PTPRA: variants seen among roughly 807,000 people sequenced by gnomAD.
PTPRA encodes the protein protein tyrosine phosphatase receptor type A.
In PTPRA, 25 loss-of-function variants were observed where a neutral mutation model predicts 104.8. The ratio of observed to expected loss-of-function variants is 0.24; its 90% CI spans 0.17 to 0.33. The LOEUF is 0.33. Among genes scored for constraint, PTPRA ranks in the 10% least tolerant of loss-of-function variants. The probability of loss-of-function intolerance (pLI) is 1.00; values close to 1 mark genes in which losing one functional copy is unlikely to be tolerated. For synonymous variants in PTPRA, 323 were observed against 368.9 expected, an observed-to-expected ratio of 0.88 and a Z score of 1.43; for missense variants, 765 against 1,015.3, an observed-to-expected ratio of 0.75 and a Z score of 3.35.
chr20:2,960,491 C>T (rs568121998), intron 3 of PTPRA, among the ~76,000 whole-genome samples: 4 of 151,964 alleles, frequency 2.6e-5, no homozygotes, highest in Admixed American at 6.6e-5. Context: ...CCTCGTGATC[C>T]GCCCACCTCG....
At chr20:3,015,123 C>G (rs138930658) in intron 11 of PTPRA, among the ~76,000 whole-genome samples, 3 of 152,032 alleles carry the variant, frequency 2.0e-5, no homozygotes, top group Non-Finnish European at 4.4e-5. Context: ...AGAAAATAAC[C>G]TGTTTTCTTT....
chr20:2,930,786 C>T (rs759949905), intron 2 of PTPRA, among the ~76,000 whole-genome samples: 5 of 152,226 alleles, frequency 3.3e-5, no homozygotes, highest in East Asian at 3.9e-4. Context: ...ACATCTTCAA[C>T]GACCCTATTT....
At chr20:2,958,173 G>C (rs953222505) in intron 3 of PTPRA, among the ~76,000 whole-genome samples, 1 of 152,144 alleles carries the variant, frequency 6.6e-6, no homozygotes, top group African/African-American at 2.4e-5. Context: ...CTGAAGGCCT[G>C]GGTGAGGTCA....
At chr20:2,935,171 T>C (rs974309262) in intron 2 of PTPRA, among the ~76,000 whole-genome samples, 4 of 152,212 alleles carry the variant, frequency 2.6e-5, no homozygotes, top group African/African-American at 9.6e-5. Context: ...CAACCTCTAG[T>C]AACCACCATT....
Position 3,037,015 on chromosome 20 carries a change from C to A in PTPRA, c.2199-139C>A. ...GGTACACTGCCTCCCGACCCAGAACCCCTCCAGGCTGGTGGGTCCACAGGG... is the reference window on the plus strand; with the variant it reads ...GGTACACTGCCTCCCGACCCAGAACACCTCCAGGCTGGTGGGTCCACAGGG... On this transcript the variant is annotated intron_variant, in intron 22 of 23. Transcript: ENST00000399903. The surrounding 1 kb of genome is among the most constrained non-coding windows in gnomAD (Gnocchi z 4.3). The A allele has an allele frequency of 2.5e-6, 3 of 1,211,816 alleles. No individual in the cohort carries two copies. The highest frequency in any genetic ancestry group is 3.5e-6 in the Non-Finnish European group (3 of 861,092). 75.1% of individuals were successfully genotyped at this position (1,211,816 alleles called of 1,614,324 possible). A position where few individuals can be genotyped will look rare whatever the true frequency, so the allele number is the denominator to read the frequency against.
intron 2 of PTPRA, among the ~76,000 whole-genome samples, chr20:2,936,237 T>C (rs2060696033): frequency 6.6e-6 from 1 of 152,190 alleles, no homozygotes. Context: ...CCTTATTGTA[T>C]AATGGTGCAT....
chr20:2,914,443 C>CTG (rs1491556517), intron 1 of PTPRA, among the ~76,000 whole-genome samples: 64 of 133,292 alleles, frequency 4.8e-4, no homozygotes, highest in African/African-American at 2.2e-3. Context: ...TTATTTCTTG[C>CTG]TCTGTGTGTG....
At chr20:2,925,940 T>C (rs1053480980) in intron 2 of PTPRA, among the ~76,000 whole-genome samples, 1 of 152,206 alleles carries the variant, frequency 6.6e-6, no homozygotes, top group Non-Finnish European at 1.5e-5. Context: ...GGTAACTCCA[T>C]GTTTCATTTT....
At chr20:2,989,425 C>T (rs2063054206) in intron 9 of PTPRA, among the ~76,000 whole-genome samples, 1 of 152,046 alleles carries the variant, frequency 6.6e-6, no homozygotes, top group Admixed American at 6.6e-5. Context: ...GAGCGAGACT[C>T]CATCTCAAAA....
rs1420484866 is a variant in PTPRA at position 3,037,940 on chromosome 20, C to A, written c.2335-119C>A. ...GCAGATCAGAGCTCAGGTGAAAGTT[C>A]AAAAACATTCAGTTCCTCTTGATTT... is the stretch of plus-strand genomic sequence containing the variant. On this transcript the variant is annotated intron_variant, in intron 23 of 23. Coordinates refer to ENST00000399903, the MANE Select transcript of PTPRA (RefSeq NM_001385305.1). The surrounding 1 kb of genome is among the most constrained non-coding windows in gnomAD (Gnocchi z 4.3). 6 of 878,494 alleles carry A rather than the reference C, an allele frequency of 6.8e-6. No individual in the cohort carries two copies. The highest frequency in any genetic ancestry group is 2.5e-5 in the East Asian group (1 of 40,162). The allele number at this position is 878,494 out of a possible 1,614,324, so 54.4% of individuals were successfully genotyped here.
chr20:3,008,744 AC>A (rs150646401), intron 11 of PTPRA, among the ~76,000 whole-genome samples: 17,605 of 124,168 alleles, frequency 0.14, 1,782 homozygotes, highest in African/African-American at 0.25. Context: ...AAAAAAAAAA[AC>A]AAAAAAAAAA....
At chr20:2,966,506 T>C (rs2061952043) in intron 5 of PTPRA, among the ~76,000 whole-genome samples, 1 of 152,226 alleles carries the variant, frequency 6.6e-6, no homozygotes, top group Non-Finnish European at 1.5e-5. Context: ...GTAAAATATA[T>C]GAAGGTACCT....
intron 1 of PTPRA, among the ~76,000 whole-genome samples, chr20:2,902,140 C>T (rs1163776336): frequency 1.3e-5 from 2 of 152,078 alleles, no homozygotes; most frequent in African/African-American, 4.8e-5. Context: ...TTCCCTCGGC[C>T]TCCCAAAGTG....
At chr20:2,931,481 A>G (rs2060501844) in intron 2 of PTPRA, among the ~76,000 whole-genome samples, 1 of 152,186 alleles carries the variant, frequency 6.6e-6, no homozygotes, top group African/African-American at 2.4e-5. Flanking sequence ...ATGTATGTTC[A>G]GAAGTGAGAT....
chr20:2,881,388 A>G (rs2090040943), intron 1 of PTPRA, among the ~76,000 whole-genome samples: 1 of 152,218 alleles, frequency 6.6e-6, no homozygotes, highest in Non-Finnish European at 1.5e-5. Flanking sequence ...AAGACATTTG[A>G]AAACCAAAAA....
intron 5 of PTPRA, among the ~76,000 whole-genome samples, chr20:2,970,565 G>A (rs1044289755): frequency 2.0e-4 from 31 of 152,138 alleles, no homozygotes; most frequent in African/African-American, 6.8e-4. Flanking sequence ...TTCCTGACTC[G>A]TTTGTAGATG....
intron 16 of PTPRA, among the ~76,000 whole-genome samples, chr20:3,023,821 T>C (rs992889630): frequency 6.6e-6 from 1 of 152,200 alleles, no homozygotes; most frequent in Non-Finnish European, 1.5e-5. Context: ...TGTCTCTGTG[T>C]CTTCTTTCTT....
chr20:3,024,711 A>G (rs1456944941), intron 17 of PTPRA, 90 bp downstream of exon 17: 6 of 1,494,568 alleles, frequency 4.0e-6, no homozygotes, highest in Non-Finnish European at 5.5e-6. Flanking sequence ...TGCCAACAGT[A>G]AATCCCCTTG....
chr20:3,010,290 C>T (rs756886385), intron 11 of PTPRA, among the ~76,000 whole-genome samples: 1 of 152,136 alleles, frequency 6.6e-6, no homozygotes, highest in Non-Finnish European at 1.5e-5. Context: ...TGTCAACAGT[C>T]TCATGGCCAC....
Sources: gnomAD v4.1 joint callset for allele counts (sites outside exome capture counted in the v4.1 genomes callset) on GRCh38, gnomAD v4.1.1 for gene constraint, Gnocchi (gnomAD v3.1) non-coding constraint, MANE v1.5 for transcripts, NCBI Gene and HGNC (gene_info 2026-07-23, HGNC 2026-07-21) for gene names.